The following CASTOR2 variants were observed in gnomAD, a reference collection of about 807,000 sequenced individuals.
The protein encoded by CASTOR2 is GATS protein like 2.
A neutral mutation model predicts 31.2 loss-of-function variants in CASTOR2; 8 were observed. That is an observed-to-expected ratio of 0.26 (90% CI 0.15 to 0.46). The LOEUF is 0.46. Ranked by LOEUF, CASTOR2 falls within the 20% of genes least tolerant of loss-of-function variation. CASTOR2 has a pLI of 0.99. For missense variants in CASTOR2, 216 were observed against 382.1 expected, an observed-to-expected ratio of 0.57 and a Z score of 3.62; for synonymous variants, 162 against 158.7, an observed-to-expected ratio of 1.02 and a Z score of -0.16.
intron 7 of CASTOR2, among the ~76,000 whole-genome samples, chr7:75,023,191 C>G (rs1227024129): frequency 2.0e-5 from 3 of 152,060 alleles, no homozygotes; most frequent in Admixed American, 6.6e-5. Flanking sequence ...GCCTGTAGTC[C>G]CAGCTACTTG....
At chr7:75,010,447 A>G (rs1180976768) in intron 2 of CASTOR2, among the ~76,000 whole-genome samples, 5 of 151,922 alleles carry the variant, frequency 3.3e-5, no homozygotes, top group Non-Finnish European at 7.4e-5. Context: ...TGTGCAGGAG[A>G]GGGAACAAGG....
At position 74,986,329 on chromosome 7, in the gene CASTOR2, T is replaced by C. The variant is rs1394858786; in HGVS notation, c.113+21231T>C. Among the ~76,000 whole-genome samples, 3 of 151,066 alleles carry C rather than the reference T, an allele frequency of 2.0e-5. No individual in the cohort carries two copies. In the East Asian group the frequency reaches 5.9e-4, roughly 30 times the overall value. On this transcript the variant is annotated intron_variant, in intron 1 of 8. Transcript: ENST00000616305. Reference sequence around the variant, plus strand: ...GGTGAAACCCTGTCTCTACTAAAAATACAAAAAAAGAATTAGCCAGGTGTG... The same window carrying C: ...GGTGAAACCCTGTCTCTACTAAAAACACAAAAAAAGAATTAGCCAGGTGTG...
chr7:74,997,719 G>T (rs1166875633), intron 1 of CASTOR2, among the ~76,000 whole-genome samples: 1 of 151,776 alleles, frequency 6.6e-6, no homozygotes, highest in East Asian at 1.9e-4. Flanking sequence ...GAACCACTGT[G>T]CCTGACCAGG....
chr7:75,023,977 TAAGCCTTC>T (rs1805067184), intron 7 of CASTOR2, among the ~76,000 whole-genome samples: 1 of 152,064 alleles, frequency 6.6e-6, no homozygotes. Flanking sequence ...ACATCTGGGT[TAAGCCTTC>T]AAGAGGGATG....
chr7:75,023,303 A>G (rs1399710306), intron 7 of CASTOR2, among the ~76,000 whole-genome samples: 1 of 151,826 alleles, frequency 6.6e-6, no homozygotes, highest in Admixed American at 6.6e-5. Flanking sequence ...GCGAGAGTCC[A>G]CCTCAAAAAA....
Position 75,027,665 on chromosome 7 carries a change from G to A in CASTOR2, c.*2966G>A. 6.3e-6 allele frequency: 2 copies of A among 315,050 alleles called. No individual in the cohort carries two copies. Among genetic ancestry groups the A allele is most frequent in the South Asian group, 5.9e-5 (2 of 33,852 alleles). 19.5% of individuals were successfully genotyped at this position (315,050 alleles called of 1,614,324 possible). On this transcript the variant is annotated 3_prime_UTR_variant, in exon 9 of 9. Transcript: ENST00000616305. ...CTCTCCGCCCTGGCTGGCTCTGCAG[G>A]GGTGGTCCCTGTTCAAGCCCGCTCC...
intron 6 of CASTOR2, among the ~76,000 whole-genome samples, 163 bp downstream of exon 6, chr7:75,020,312 G>A (rs1016613818): frequency 6.6e-6 from 1 of 151,822 alleles, no homozygotes; most frequent in African/African-American, 2.4e-5. Flanking sequence ...GTGCGATCTC[G>A]GCTCAAGGCA....
chr7:75,012,639 G>GT (rs1804780799), intron 2 of CASTOR2, among the ~76,000 whole-genome samples: 5 of 145,464 alleles, frequency 3.4e-5, no homozygotes. Flanking sequence ...TTTGTTTTTT[G>GT]TTTTTTTGTT....
chr7:75,027,170 C>T lies in CASTOR2; in HGVS notation c.*2471C>T, dbSNP rs1280921603. The T allele has an allele frequency of 6.6e-6, 1 of 152,190 alleles. No homozygotes were observed. The highest frequency in any genetic ancestry group is 2.4e-5 in the African/African-American group (1 of 41,450). The allele number at this position is 152,190 out of a possible 1,614,324, so 9.4% of individuals were successfully genotyped here. A position where few individuals can be genotyped will look rare whatever the true frequency, so the allele number is the denominator to read the frequency against. ...AAGTATATAGGCAATACGATTATTA[C>T]AGAAGCCGATGGGTTCCCTCAGACC... On this transcript the variant is annotated 3_prime_UTR_variant, in exon 9 of 9. Transcript: ENST00000616305.
chr7:75,020,954 A>C (rs1010882475), intron 6 of CASTOR2, among the ~76,000 whole-genome samples: 78 of 151,312 alleles, frequency 5.2e-4, no homozygotes, highest in African/African-American at 1.8e-3. Context: ...CTGCCACCAC[A>C]CCTGGCTAAT....
intron 2 of CASTOR2, among the ~76,000 whole-genome samples, chr7:75,013,238 G>C (rs1339542042): frequency 6.6e-6 from 1 of 152,232 alleles, no homozygotes; most frequent in Non-Finnish European, 1.5e-5. Context: ...TTGATAGTTA[G>C]AAGCTAGCAG....
chr7:74,989,219 C>T (rs1554437067), intron 1 of CASTOR2, among the ~76,000 whole-genome samples: 37 of 151,470 alleles, frequency 2.4e-4, no homozygotes, highest in Admixed American at 7.3e-4. Flanking sequence ...CCATCTCGGC[C>T]TCCGAAAGTG....
intron 1 of CASTOR2, 179 bp from the exon 2 acceptor site, chr7:75,007,811 CTGAG>C (rs1450531765): frequency 4.0e-6 from 3 of 752,322 alleles, no homozygotes; most frequent in Admixed American, 2.2e-5. Context: ...TGTGCCTCTC[CTGAG>C]TGAGAACTGA....
At chr7:74,979,114 C>T (rs1285005357) in intron 1 of CASTOR2, among the ~76,000 whole-genome samples, 1 of 151,978 alleles carries the variant, frequency 6.6e-6, no homozygotes, top group African/African-American at 2.4e-5. Context: ...CTGCAGTGAG[C>T]CGAGATTGTG....
At chr7:75,010,805 A>G (rs1481933640) in intron 2 of CASTOR2, among the ~76,000 whole-genome samples, 32 of 151,092 alleles carry the variant, frequency 2.1e-4, no homozygotes, top group Non-Finnish European at 4.0e-4. Flanking sequence ...TTAGAAATCT[A>G]TTATTGCCCA....
intron 5 of CASTOR2, 78 bp downstream of exon 5, chr7:75,019,173 C>CG: frequency 1.3e-6 from 2 of 1,549,176 alleles, no homozygotes; most frequent in Non-Finnish European, 8.7e-7. Context: ...CTTAGTCTGA[C>CG]GGGGGAGGCT....
chr7:75,023,516 C>T (rs1805057553), intron 7 of CASTOR2, among the ~76,000 whole-genome samples: 1 of 147,712 alleles, frequency 6.8e-6, no homozygotes, highest in East Asian at 2.0e-4. Flanking sequence ...CTCTGTTGCC[C>T]AGGCTGAAGT....
In CASTOR2 at chr7:75,007,896, G is replaced by T. The variant is rs1554438926; in HGVS notation, c.114-98G>T. The T allele has an allele frequency of 2.5e-6, 4 of 1,577,088 alleles. No individual in the cohort carries two copies. The African/African-American group carries it at 4.0e-5, about 16-fold the overall frequency. ...CCCAGCAGCCTGGGGCCGGAACTCT[G>T]GGTGAACTGAGTCATCATCCCCAGG... is the stretch of plus-strand genomic sequence containing the variant. On this transcript the variant is annotated intron_variant, in intron 1 of 8. Coordinates refer to ENST00000616305, the MANE Select transcript of CASTOR2 (RefSeq NM_001145064.3).
chr7:74,989,573 C>T (rs1205247262), intron 1 of CASTOR2, among the ~76,000 whole-genome samples: 4 of 130,128 alleles, frequency 3.1e-5, no homozygotes, highest in South Asian at 2.8e-4. Context: ...CCACTGTGTC[C>T]GCCTATTTTT....
Sources: allele counts gnomAD v4.1 joint callset (sites outside exome capture counted in the v4.1 genomes callset), GRCh38; gene constraint gnomAD v4.1.1; transcripts MANE v1.5; gene names NCBI Gene and HGNC (gene_info 2026-07-23, HGNC 2026-07-21).